Variants in KCNIP1 observed in about 807,000 individuals in gnomAD.
The protein encoded by KCNIP1 is A-type potassium channel modulatory protein KCNIP1.
A neutral mutation model predicts 33.0 loss-of-function variants in KCNIP1; 18 were observed. That is an observed-to-expected ratio of 0.55 (90% CI 0.38 to 0.81). The LOEUF is 0.81. Among genes scored for constraint, KCNIP1 ranks in the 30% least tolerant of loss-of-function variants. KCNIP1 has a pLI of 0.00. For missense variants in KCNIP1, 238 were observed against 271.6 expected, an observed-to-expected ratio of 0.88 and a Z score of 0.87; for synonymous variants, 93 against 98.3, an observed-to-expected ratio of 0.95 and a Z score of 0.32.
At chr5:170,712,694 A>G (rs188097429) in intron 1 of KCNIP1, among the ~76,000 whole-genome samples, 5 of 152,374 alleles carry the variant, frequency 3.3e-5, no homozygotes, top group Admixed American at 3.3e-4. Flanking sequence ...TGGGAAAAGG[A>G]CAGGGAGCTC....
chr5:170,504,603 C>T lies in KCNIP1; in HGVS notation c.31C>T (p.Leu11=). The T allele has an allele frequency of 1.2e-6, 2 of 1,613,916 alleles. No individual in the cohort carries two copies. Among genetic ancestry groups the T allele is most frequent in the Non-Finnish European group, 1.7e-6 (2 of 1,179,998 alleles). The part of the protein sequence containing the change: MGAVMGTFSS[L]QTKQRRPSKD... ...GGCCGTCATGGGCACCTTCTCATCT[C>T]TGCAAACCAAACAAAGGCGACCCTC... Residue 11 remains leucine (L), a synonymous_variant, in exon 1 of 8, where the codon CTG becomes TTG. Coordinates refer to ENST00000328939, the MANE Select transcript of KCNIP1 (RefSeq NM_014592.4). The surrounding 1 kb of genome is among the most constrained non-coding windows in gnomAD (Gnocchi z 6.0).
chr5:170,411,926 G>A (rs1356624883), intron 1 of KCNIP1, among the ~76,000 whole-genome samples: 1 of 152,184 alleles, frequency 6.6e-6, no homozygotes, highest in Non-Finnish European at 1.5e-5. Flanking sequence ...GGTAGATGGA[G>A]AGAGAGAGGT....
chr5:170,451,099 A>G (rs1264628921), intron 1 of KCNIP1, among the ~76,000 whole-genome samples: 1 of 152,198 alleles, frequency 6.6e-6, no homozygotes. Flanking sequence ...CTGTTGAACA[A>G]TTTCACAGAA....
chr5:170,483,936 T>C (rs62394265), intron 1 of KCNIP1: 50,755 of 152,088 alleles, frequency 0.33, 11,101 homozygotes, highest in African/African-American at 0.6. Context: ...AATTGAGTTG[T>C]GGCCAGAAGG....
intron 1 of KCNIP1, among the ~76,000 whole-genome samples, chr5:170,708,062 C>T (rs1763319676): frequency 6.6e-6 from 1 of 152,240 alleles, no homozygotes; most frequent in African/African-American, 2.4e-5. Context: ...GAGTTGTGTG[C>T]ACTGTGTGGG....
intron 1 of KCNIP1, among the ~76,000 whole-genome samples, chr5:170,683,959 G>T (rs552389849): frequency 6.6e-6 from 1 of 151,130 alleles, no homozygotes; most frequent in African/African-American, 2.4e-5. Context: ...GTTTCACCAT[G>T]TTGCCCAGGG....
At chr5:170,521,128 A>C (rs1755349430) in intron 1 of KCNIP1, among the ~76,000 whole-genome samples, 1 of 152,192 alleles carries the variant, frequency 6.6e-6, no homozygotes, top group African/African-American at 2.4e-5. Context: ...CCACAATCCT[A>C]GTCCTTAGCA....
At chr5:170,403,317 A>T (rs562496050) in intron 1 of KCNIP1, among the ~76,000 whole-genome samples, 4 of 152,264 alleles carry the variant, frequency 2.6e-5, no homozygotes, top group Non-Finnish European at 5.9e-5. Context: ...GTTAGGAAAG[A>T]TTCAAGAGCA....
At chr5:170,372,849 A>G (rs747253581) in intron 1 of KCNIP1, among the ~76,000 whole-genome samples, 1 of 152,210 alleles carries the variant, frequency 6.6e-6, no homozygotes, top group Non-Finnish European at 1.5e-5. Context: ...CACATCCCAA[A>G]GCTTCATGTG....
At chr5:170,446,892 C>G (rs867844869) in intron 1 of KCNIP1, among the ~76,000 whole-genome samples, 1 of 152,200 alleles carries the variant, frequency 6.6e-6, no homozygotes, top group Non-Finnish European at 1.5e-5. Flanking sequence ...GACTTGTGAA[C>G]CTGCTCCAGG....
intron 1 of KCNIP1, among the ~76,000 whole-genome samples, chr5:170,534,525 A>G (rs2113356841): frequency 1.3e-5 from 2 of 150,680 alleles, no homozygotes; most frequent in South Asian, 4.2e-4. Context: ...GAAGAAGGAG[A>G]AGGAGGTGGC....
chr5:170,383,480 A>G, intron 1 of KCNIP1: 1 of 645,952 alleles, frequency 1.5e-6, no homozygotes, highest in Non-Finnish European at 2.8e-6. Flanking sequence ...ATGTTTACAC[A>G]GCCAGTTAGC....
At chr5:170,595,664 A>C (rs4495201) in intron 1 of KCNIP1, among the ~76,000 whole-genome samples, 2 of 152,078 alleles carry the variant, frequency 1.3e-5, no homozygotes, top group African/African-American at 4.8e-5. Flanking sequence ...AGCTCATTCA[A>C]TCTTTCTAAC....
chr5:170,732,959 C>A, intron 6 of KCNIP1, 55 bp downstream of exon 6: 2 of 1,044,880 alleles, frequency 1.9e-6, no homozygotes, highest in Non-Finnish European at 3.0e-6. Context: ...TCAAGTCAAC[C>A]CACGAGCATC....
intron 1 of KCNIP1, among the ~76,000 whole-genome samples, chr5:170,531,203 A>G (rs1028859187): frequency 6.6e-6 from 1 of 152,182 alleles, no homozygotes; most frequent in Non-Finnish European, 1.5e-5. Context: ...TAGGGGATCA[A>G]CGAGGGGAAT....
intron 1 of KCNIP1, among the ~76,000 whole-genome samples, chr5:170,368,805 C>G (rs1027872179): frequency 2.0e-5 from 3 of 152,212 alleles, no homozygotes; most frequent in Admixed American, 1.3e-4. Context: ...TCTCAGACCT[C>G]AGCCCACTCC....
intron 1 of KCNIP1, among the ~76,000 whole-genome samples, chr5:170,560,675 C>T (rs888455956): frequency 6.6e-6 from 1 of 152,044 alleles, no homozygotes. Context: ...TACAGGTTGG[C>T]GCTTCTCAGC....
intron 1 of KCNIP1, among the ~76,000 whole-genome samples, chr5:170,524,030 C>G (rs748785470): frequency 9.2e-5 from 14 of 152,186 alleles, no homozygotes; most frequent in East Asian, 1.9e-4. Flanking sequence ...CAGCCCAGGT[C>G]TGGGCTCCAT....
chr5:170,420,331 C>G (rs969000821), intron 1 of KCNIP1: 2 of 152,090 alleles, frequency 1.3e-5, no homozygotes, highest in East Asian at 1.9e-4. Flanking sequence ...TAATAAATAG[C>G]AAATATATGT....
Sources: gnomAD v4.1 joint callset for allele counts (sites outside exome capture counted in the v4.1 genomes callset) on GRCh38, gnomAD v4.1.1 for gene constraint, Gnocchi (gnomAD v3.1) non-coding constraint, MANE v1.5 for transcripts, NCBI Gene and HGNC (gene_info 2026-07-23, HGNC 2026-07-21) for gene names.